SH3BP5: variants seen among roughly 807,000 people sequenced by gnomAD.
SH3BP5 encodes SH3 domain-binding protein 5.
In SH3BP5, 22 loss-of-function variants were observed where a neutral mutation model predicts 43.3. The ratio of observed to expected loss-of-function variants is 0.51; its 90% confidence interval spans 0.36 to 0.73. SH3BP5 has a LOEUF of 0.73. Among genes scored for constraint, SH3BP5 ranks in the 30% least tolerant of loss-of-function variants. The pLI is 0.00. For missense variants in SH3BP5, 529 were observed against 586.9 expected, an observed-to-expected ratio of 0.90 and a Z score of 1.02; for synonymous variants, 255 against 225.8, an observed-to-expected ratio of 1.13 and a Z score of -1.16.
At chr3:15,273,556 A>G (rs1696877231) in intron 3 of SH3BP5, among the ~76,000 whole-genome samples, 1 of 152,258 alleles carries the variant, frequency 6.6e-6, no homozygotes, top group Non-Finnish European at 1.5e-5. Context: ...CACAGGTACA[A>G]CTAATGTGAG....
intron 3 of SH3BP5, among the ~76,000 whole-genome samples, chr3:15,270,471 C>T (rs986110844): frequency 5.9e-5 from 9 of 152,154 alleles, no homozygotes; most frequent in African/African-American, 1.2e-4. Context: ...CTGACACCAG[C>T]GACAGGCCAA....
At chr3:15,287,213 G>A (rs554865847) in intron 3 of SH3BP5, among the ~76,000 whole-genome samples, 1 of 152,326 alleles carries the variant, frequency 6.6e-6, no homozygotes, top group South Asian at 2.1e-4. Context: ...ATATAAGCAA[G>A]CATTATGTAG....
At chr3:15,269,618 A>C (rs927313418) in intron 4 of SH3BP5, 95 bp downstream of exon 4, 5 of 1,343,338 alleles carry the variant, frequency 3.7e-6, no homozygotes, top group Non-Finnish European at 5.0e-6. Context: ...TTTTCAGGCA[A>C]CATGCCTGGG....
intron 3 of SH3BP5, among the ~76,000 whole-genome samples, chr3:15,272,942 C>T (rs1022711680): frequency 2.0e-5 from 3 of 152,122 alleles, no homozygotes; most frequent in African/African-American, 7.2e-5. Flanking sequence ...AACTCACCCC[C>T]CCAACCCCTG....
chr3:15,325,994 G>A (rs1264176132), intron 2 of SH3BP5, among the ~76,000 whole-genome samples: 1 of 152,194 alleles, frequency 6.6e-6, no homozygotes, highest in Non-Finnish European at 1.5e-5. Flanking sequence ...ACTCCAGCCT[G>A]AGTGACAGAG....
At chr3:15,280,291 A>C (rs988817193) in intron 3 of SH3BP5, among the ~76,000 whole-genome samples, 2 of 151,998 alleles carry the variant, frequency 1.3e-5, no homozygotes, top group Non-Finnish European at 2.9e-5. Flanking sequence ...TCTCACCTTC[A>C]TGCTCTAGCA....
rs558831102 is a variant in SH3BP5, at chr3:15,327,389, G to C, written c.201+3115C>G. 1.0e-3 allele frequency among the ~76,000 whole-genome samples: 154 copies of C among 152,124 alleles called. 1 individual carries two copies. Among genetic ancestry groups the C allele is most frequent in the African/African-American group, 3.5e-3 (146 of 41,504 alleles). ...CACTCCAGCCTGGGCGACAGCGTGA[G>C]ACTCCGTCTCAGGAAAAAAAAAACA... is the stretch of plus-strand genomic sequence containing the variant. On this transcript the variant is annotated intron_variant, in intron 2 of 8. Transcript: ENST00000383791.
chr3:15,313,254 T>C (rs1160561112), intron 2 of SH3BP5, among the ~76,000 whole-genome samples: 6 of 152,186 alleles, frequency 3.9e-5, no homozygotes, highest in African/African-American at 1.4e-4. Flanking sequence ...GAGCGAAATG[T>C]CTCAAAAAAA....
At chr3:15,270,072 G>C (rs1463700153) in intron 3 of SH3BP5, among the ~76,000 whole-genome samples, 195 bp from the exon 4 acceptor site, 1 of 152,236 alleles carries the variant, frequency 6.6e-6, no homozygotes, top group Non-Finnish European at 1.5e-5. Flanking sequence ...CAACAAATCA[G>C]TGAGCGAACA....
intron 2 of SH3BP5, among the ~76,000 whole-genome samples, chr3:15,324,971 CAA>C (rs1266708091): frequency 2.0e-5 from 3 of 151,550 alleles, no homozygotes; most frequent in African/African-American, 7.3e-5. Context: ...TACTCAGAAA[CAA>C]AGATTTTTCA....
chr3:15,270,491 C>T (rs1696767763), intron 3 of SH3BP5, among the ~76,000 whole-genome samples: 1 of 152,156 alleles, frequency 6.6e-6, no homozygotes, highest in Non-Finnish European at 1.5e-5. Flanking sequence ...AGTATGGCAC[C>T]AGGCAGGCAA....
At chr3:15,335,100 G>A (rs776773811), upstream of SH3BP5, among the ~76,000 whole-genome samples, 4 of 151,958 alleles carry the variant, frequency 2.6e-5, no homozygotes, top group Non-Finnish European at 4.4e-5. Flanking sequence ...AACAAAGCAA[G>A]ACCTGGTCTC....
chr3:15,306,149 G>A (rs908296643), intron 2 of SH3BP5, among the ~76,000 whole-genome samples: 14 of 152,136 alleles, frequency 9.2e-5, no homozygotes, highest in African/African-American at 3.4e-4. Context: ...GAGGTCAGGA[G>A]ATCGAGACCA....
rs148464004 is a variant in SH3BP5, at chr3:15,295,854, T to A, written c.330+8249A>T. 5.1e-4 allele frequency among the ~76,000 whole-genome samples: 78 copies of A among 152,326 alleles called. 1 individual carries two copies. In the East Asian group the frequency reaches 0.014, roughly 28 times the overall value. ...AGAGTGGACAGCATCATCATGAGGC[T>A]AAGAGCCAAAGAAGTTTATAGTCAC... is the stretch of plus-strand genomic sequence containing the variant. On this transcript the variant is annotated intron_variant, in intron 3 of 8. Coordinates refer to ENST00000383791, the MANE Select transcript of SH3BP5 (RefSeq NM_004844.5).
Position 15,332,555 on chromosome 3 carries a change from A to T in SH3BP5, c.-147T>A. Reference sequence around the variant, plus strand: ...GACACCCGGGAGACGCAGCTCGCCGATGCGGATACCTCCGGCCGCGGCGGA... The same window carrying T: ...GACACCCGGGAGACGCAGCTCGCCGTTGCGGATACCTCCGGCCGCGGCGGA... On this transcript the variant is annotated 5_prime_UTR_variant, in exon 1 of 9. Transcript: ENST00000383791. 3 of 1,234,430 alleles carry T rather than the reference A, an allele frequency of 2.4e-6. No homozygotes were observed. The highest frequency in any genetic ancestry group is 3.0e-6 in the Non-Finnish European group (3 of 990,860). 76.5% of individuals were successfully genotyped at this position (1,234,430 alleles called of 1,614,324 possible).
intron 4 of SH3BP5, among the ~76,000 whole-genome samples, chr3:15,266,125 A>AGGG: frequency 6.6e-6 from 1 of 152,300 alleles, no homozygotes; most frequent in South Asian, 2.1e-4. Context: ...GGCGGTCAGG[A>AGGG]GCCTCTTTGC....
intron 2 of SH3BP5, among the ~76,000 whole-genome samples, chr3:15,325,123 A>C (rs1310409339): frequency 5.9e-5 from 9 of 152,266 alleles, no homozygotes; most frequent in Non-Finnish European, 1.2e-4. Context: ...AATTGTGCTT[A>C]AAACCACATA....
At chr3:15,290,129 C>A (rs1170519511) in intron 3 of SH3BP5, among the ~76,000 whole-genome samples, 1 of 152,068 alleles carries the variant, frequency 6.6e-6, no homozygotes, top group African/African-American at 2.4e-5. Flanking sequence ...AGGCCGGGCA[C>A]GGTGGCTCAC....
At chr3:15,288,391 A>C (rs187799143) in intron 3 of SH3BP5, among the ~76,000 whole-genome samples, 112 of 152,324 alleles carry the variant, frequency 7.4e-4, no homozygotes, top group African/African-American at 2.5e-3. Context: ...AGTAGAACTC[A>C]CTTTGGTAAG....
Sources: allele counts gnomAD v4.1 joint callset (sites outside exome capture counted in the v4.1 genomes callset), GRCh38; gene constraint gnomAD v4.1.1; transcripts MANE v1.5; gene names NCBI Gene and HGNC (gene_info 2026-07-23, HGNC 2026-07-21).